The following DNAJC11 variants were observed in gnomAD, a reference collection of about 807,000 sequenced individuals.
The protein encoded by DNAJC11 is DnaJ heat shock protein family (Hsp40) member C11.
Under a neutral mutation model 78.6 loss-of-function variants are expected in DNAJC11, and 15 were observed. The ratio of observed to expected loss-of-function variants is 0.19; its 90% CI spans 0.13 to 0.29. The LOEUF (loss-of-function observed/expected upper bound fraction) is 0.29, where lower values mean the gene tolerates loss of function less well. Ranked by LOEUF, DNAJC11 falls within the 10% of genes least tolerant of loss-of-function variation. The pLI is 1.00. For missense variants in DNAJC11, 547 were observed against 709.6 expected, an observed-to-expected ratio of 0.77 and a Z score of 2.60; for synonymous variants, 292 against 272.1, an observed-to-expected ratio of 1.07 and a Z score of -0.72.
intron 1 of DNAJC11, among the ~76,000 whole-genome samples, chr1:6,688,982 C>T (rs963004297): frequency 2.0e-5 from 3 of 152,118 alleles, no homozygotes; most frequent in African/African-American, 4.8e-5. Flanking sequence ...GCTTCCTCTG[C>T]GGTGGAAGAG....
chr1:6,635,285 T>C lies in DNAJC11; in HGVS notation c.*390A>G, dbSNP rs1641740104. ...CCATGTTCAGCGTGGACTGCAGAAG[T>C]GGCTCACGCTCCTGTGGTGAGGGCA... On this transcript the variant is annotated 3_prime_UTR_variant, in exon 16 of 16. Coordinates refer to ENST00000377577, the MANE Select transcript of DNAJC11 (RefSeq NM_018198.4). The C allele has an allele frequency of 5.3e-6, 1 of 187,814 alleles. No individual in the cohort carries two copies. The highest frequency in any genetic ancestry group is 2.3e-5 in the African/African-American group (1 of 42,700). The allele number at this position is 187,814 out of a possible 1,614,324, so 11.6% of individuals were successfully genotyped here.
chr1:6,667,628 G>A, intron 4 of DNAJC11, 81 bp downstream of exon 4: 2 of 1,132,536 alleles, frequency 1.8e-6, no homozygotes, highest in East Asian at 4.7e-5. Context: ...CAATCCACCA[G>A]CACCTCATTA....
At chr1:6,646,065 A>C in intron 7 of DNAJC11, 87 bp from the exon 8 acceptor site, 61 of 1,375,454 alleles carry the variant, frequency 4.4e-5, no homozygotes, top group Non-Finnish European at 5.8e-5. Context: ...CTAAGACCTC[A>C]CTTACTGTCA....
At chr1:6,677,782 G>A (rs1642492797) in intron 3 of DNAJC11, among the ~76,000 whole-genome samples, 1 of 152,174 alleles carries the variant, frequency 6.6e-6, no homozygotes, top group Non-Finnish European at 1.5e-5. Context: ...TTTAGTGACT[G>A]CTCTCCCACA....
rs561750246 is a variant in DNAJC11 at position 6,690,905 on chromosome 1, C to T, written c.73-9868G>A. Among the ~76,000 whole-genome samples, 446 of 152,314 alleles carry T rather than the reference C, an allele frequency of 2.9e-3. 2 individuals carry two copies. Among genetic ancestry groups the T allele is most frequent in the Non-Finnish European group, 4.8e-3 (328 of 68,030 alleles). ...TGAGGACAGAGGTCAGGCTGACCTA[C>T]ACTGATTTTGGAAGTTTGGCTCCTA... On this transcript the variant is annotated intron_variant, in intron 1 of 15. Coordinates refer to ENST00000377577, the MANE Select transcript of DNAJC11 (RefSeq NM_018198.4).
In DNAJC11 at chr1:6,642,953, G is replaced by A. The variant is rs151105559; in HGVS notation, c.1097+1605C>T. 2.3e-3 allele frequency among the ~76,000 whole-genome samples: 353 copies of A among 152,314 alleles called. 2 individuals carry two copies. The highest frequency in any genetic ancestry group is 8.1e-3 in the African/African-American group (337 of 41,576). On this transcript the variant is annotated intron_variant, in intron 10 of 15. Coordinates refer to ENST00000377577, the MANE Select transcript of DNAJC11 (RefSeq NM_018198.4). ...ACATGACTGCTTGGGAGTGAGTCGA[G>A]AGAGAAGGGCTGTGCCCTGCAGTGG...
intron 4 of DNAJC11, among the ~76,000 whole-genome samples, chr1:6,659,829 G>A (rs1224109224): frequency 1.3e-5 from 2 of 151,840 alleles, no homozygotes; most frequent in African/African-American, 2.4e-5. Context: ...AGGCTGAGGC[G>A]GGCAGATCAC....
intron 4 of DNAJC11, among the ~76,000 whole-genome samples, chr1:6,666,625 C>T (rs905666504): frequency 6.6e-6 from 1 of 152,148 alleles, no homozygotes; most frequent in Non-Finnish European, 1.5e-5. Context: ...TGGTCTCGAA[C>T]TCCTGACCTC....
At chr1:6,700,614 G>A (rs1642909695) in intron 1 of DNAJC11, among the ~76,000 whole-genome samples, 1 of 152,062 alleles carries the variant, frequency 6.6e-6, no homozygotes, top group Non-Finnish European at 1.5e-5. Flanking sequence ...GTAAATCAAG[G>A]GCTATCATAA....
At position 6,634,365 on chromosome 1, in the gene DNAJC11, A is replaced by C; in HGVS notation, c.*1310T>G. 4 of 1,105,440 alleles carry C rather than the reference A, an allele frequency of 3.6e-6. No homozygotes were observed. The highest frequency in any genetic ancestry group is 3.2e-5 in the Admixed American group (1 of 31,264). The allele number at this position is 1,105,440 out of a possible 1,614,324, so 68.5% of individuals were successfully genotyped here. A position where few individuals can be genotyped will look rare whatever the true frequency, so the allele number is the denominator to read the frequency against. On this transcript the variant is annotated 3_prime_UTR_variant, in exon 16 of 16. Coordinates refer to ENST00000377577, the MANE Select transcript of DNAJC11 (RefSeq NM_018198.4). ...AAACCTTTTTAAAAAATGGAGATGA[A>C]TGTTACAGAATTGGACAACCCGAAC...
intron 3 of DNAJC11, among the ~76,000 whole-genome samples, chr1:6,671,893 G>C (rs1285264838): frequency 6.6e-6 from 1 of 151,750 alleles, no homozygotes; most frequent in Non-Finnish European, 1.5e-5. Context: ...GGAGTGCAGC[G>C]ATGCGATCTC....
At chr1:6,640,770 T>C (rs559524447) in intron 10 of DNAJC11, among the ~76,000 whole-genome samples, 10 of 152,102 alleles carry the variant, frequency 6.6e-5, no homozygotes, top group Non-Finnish European at 1.2e-4. Flanking sequence ...AGGAGGCAGA[T>C]TGTACCACAG....
chr1:6,665,797 C>T (rs558065316), intron 4 of DNAJC11, among the ~76,000 whole-genome samples: 2 of 152,270 alleles, frequency 1.3e-5, no homozygotes, highest in African/African-American at 2.4e-5. Flanking sequence ...CACAGCAAAC[C>T]TCCAGCCAGA....
rs1229169509 is a variant in DNAJC11, at chr1:6,680,093, T to C, written c.202+815A>G. 6.6e-6 allele frequency among the ~76,000 whole-genome samples: 1 copy of C among 152,238 alleles called. No homozygotes were observed. Among genetic ancestry groups the C allele is most frequent in the Non-Finnish European group, 1.5e-5 (1 of 68,050 alleles). On this transcript the variant is annotated intron_variant, in intron 2 of 15. Transcript: ENST00000377577. The surrounding 1 kb of genome is among the most constrained non-coding windows in gnomAD (Gnocchi z 4.0). ...TTTATGATTTTATAAAGAAACATAT[T>C]ATCTAATTTTTGGTCTAAGGAGCAA...
intron 4 of DNAJC11, among the ~76,000 whole-genome samples, chr1:6,667,267 C>A (rs1054235810): frequency 6.6e-6 from 1 of 152,140 alleles, no homozygotes; most frequent in Non-Finnish European, 1.5e-5. Context: ...TTTGGCTCTC[C>A]GTATCCTAAC....
At chr1:6,695,158 A>T (rs1438812507) in intron 1 of DNAJC11, among the ~76,000 whole-genome samples, 3 of 106,102 alleles carry the variant, frequency 2.8e-5, no homozygotes, top group Non-Finnish European at 5.6e-5. Context: ...AAAAAAAAAA[A>T]AAAATTTTTT....
intron 1 of DNAJC11, among the ~76,000 whole-genome samples, chr1:6,700,549 G>A (rs1414241866): frequency 1.3e-5 from 2 of 152,192 alleles, no homozygotes; most frequent in African/African-American, 2.4e-5. Context: ...GCACTTTCTA[G>A]TAGTGTGACT....
In DNAJC11 at chr1:6,634,767, G is replaced by C. The variant is rs374919459; in HGVS notation, c.*908C>G. 3 of 1,330,222 alleles carry C rather than the reference G, an allele frequency of 2.3e-6. No homozygotes were observed. Among genetic ancestry groups the C allele is most frequent in the African/African-American group, 3.0e-5 (2 of 67,004 alleles). 82.4% of individuals were successfully genotyped at this position (1,330,222 alleles called of 1,614,324 possible). A position where few individuals can be genotyped will look rare whatever the true frequency, so the allele number is the denominator to read the frequency against. ...GTGAGGACGCTGGACCTGCAGGAGCGGGGAGCTGCAGTGCCACCTGCTGGG... is the reference window on the plus strand; with the variant it reads ...GTGAGGACGCTGGACCTGCAGGAGCCGGGAGCTGCAGTGCCACCTGCTGGG... On this transcript the variant is annotated 3_prime_UTR_variant, in exon 16 of 16. Transcript: ENST00000377577.
chr1:6,690,752 G>A (rs941119941), intron 1 of DNAJC11, among the ~76,000 whole-genome samples: 5 of 152,138 alleles, frequency 3.3e-5, no homozygotes, highest in Admixed American at 6.6e-5. Flanking sequence ...GTGAAACCCC[G>A]TCTCTACCAA....
Sources: allele counts gnomAD v4.1 joint callset (sites outside exome capture counted in the v4.1 genomes callset), GRCh38; gene constraint gnomAD v4.1.1; non-coding constraint Gnocchi (gnomAD v3.1); transcripts MANE v1.5; gene names NCBI Gene and HGNC (gene_info 2026-07-23, HGNC 2026-07-21).